Variants in NCKAP1 observed in about 807,000 individuals in gnomAD.
NCKAP1 encodes NCK associated protein 1, also known as nck-associated protein 1.
Under a neutral mutation model 151.2 loss-of-function variants are expected in NCKAP1, and 21 were observed. That is an observed-to-expected ratio of 0.14 (90% CI 0.10 to 0.20). The LOEUF (loss-of-function observed/expected upper bound fraction) is 0.20, where lower values mean the gene tolerates loss of function less well. Among genes scored for constraint, NCKAP1 ranks in the 10% least tolerant of loss-of-function variants. NCKAP1 has a pLI of 1.00. For synonymous variants in NCKAP1, 484 were observed against 451.8 expected, an observed-to-expected ratio of 1.07 and a Z score of -0.90; for missense variants, 933 against 1,352.1, an observed-to-expected ratio of 0.69 and a Z score of 4.86.
intron 25 of NCKAP1, among the ~76,000 whole-genome samples, chr2:182,935,062 TC>T (rs1487059381): frequency 2.0e-5 from 3 of 152,136 alleles, no homozygotes; most frequent in African/African-American, 7.2e-5. Context: ...ATAATGAAGA[TC>T]ACTGAAAAAG....
chr2:182,967,016 G>T (rs111855211), intron 16 of NCKAP1, among the ~76,000 whole-genome samples, 200 bp downstream of exon 16: 2 of 152,208 alleles, frequency 1.3e-5, no homozygotes, highest in African/African-American at 4.8e-5. Context: ...CTCTTTTAGA[G>T]AATTAAAAAC....
intron 1 of NCKAP1, among the ~76,000 whole-genome samples, chr2:183,028,963 A>AAG (rs2105898377): frequency 6.6e-6 from 1 of 150,848 alleles, no homozygotes; most frequent in East Asian, 1.9e-4. Context: ...AATACAAAAA[A>AAG]AAAAAAATAG....
chr2:183,030,020 C>A (rs970965809), intron 1 of NCKAP1, among the ~76,000 whole-genome samples: 1 of 152,140 alleles, frequency 6.6e-6, no homozygotes, highest in Non-Finnish European at 1.5e-5. Flanking sequence ...CAAGATTTCA[C>A]AACTACTGAC....
chr2:182,984,981 A>G, intron 10 of NCKAP1, among the ~76,000 whole-genome samples: 1 of 152,346 alleles, frequency 6.6e-6, no homozygotes, highest in East Asian at 1.9e-4. Flanking sequence ...TGCCTATAGT[A>G]GCGTCTATCC....
At chr2:182,948,763 T>C (rs1237715138) in intron 23 of NCKAP1, among the ~76,000 whole-genome samples, 2 of 152,166 alleles carry the variant, frequency 1.3e-5, no homozygotes, top group South Asian at 2.1e-4. Flanking sequence ...AAAGAGACAA[T>C]TCATCTGATT....
In NCKAP1 at chr2:182,987,460, T is replaced by A. The variant is rs572026038; in HGVS notation, c.948-1233A>T. Among the ~76,000 whole-genome samples, 1,025 of 152,252 alleles carry A rather than the reference T, an allele frequency of 6.7e-3. 12 individuals are homozygous for A. Among genetic ancestry groups the A allele is most frequent in the African/African-American group, 0.024 (983 of 41,558 alleles). On this transcript the variant is annotated intron_variant, in intron 9 of 30. Transcript: ENST00000361354. ...ACTGGATGATCATTCACAATTAAAT[T>A]AAAAATGCAAACTCATAATTTTAAA...
At chr2:182,975,559 T>C (rs1697803396) in intron 15 of NCKAP1, among the ~76,000 whole-genome samples, 3 of 152,098 alleles carry the variant, frequency 2.0e-5, no homozygotes, top group Non-Finnish European at 4.4e-5. Flanking sequence ...AAAAAATACT[T>C]CTTATATTTT....
chr2:182,961,551 G>A (rs985185159), intron 18 of NCKAP1, among the ~76,000 whole-genome samples: 16 of 152,228 alleles, frequency 1.1e-4, no homozygotes, highest in African/African-American at 3.4e-4. Context: ...GACACAGGAA[G>A]GGGAACATCA....
intron 2 of NCKAP1, among the ~76,000 whole-genome samples, chr2:183,009,572 T>C (rs1698553242): frequency 1.3e-5 from 2 of 152,208 alleles, no homozygotes; most frequent in African/African-American, 4.8e-5. Flanking sequence ...TTAAGATGTA[T>C]ACTAAATTGA....
rs186350015 is a variant in NCKAP1, at chr2:183,012,772, C to A, written c.220-9447G>T. On this transcript the variant is annotated intron_variant, in intron 2 of 30. Coordinates refer to ENST00000361354, the MANE Select transcript of NCKAP1 (RefSeq NM_013436.5). ...GGGAAAACATGCGCACGCCACCACA[C>A]CTGGCTATTTTTTTTTTTTTTTTGT... 1.5e-3 allele frequency among the ~76,000 whole-genome samples: 226 copies of A among 148,232 alleles called. 1 individual carries two copies. The highest frequency in any genetic ancestry group is 5.5e-3 in the African/African-American group (210 of 38,470).
intron 24 of NCKAP1, among the ~76,000 whole-genome samples, chr2:182,937,952 G>C (rs1331669652): frequency 1.3e-5 from 2 of 152,232 alleles, no homozygotes; most frequent in Non-Finnish European, 2.9e-5. Context: ...TGAAAAACCT[G>C]TGGGTCATAT....
chr2:183,036,537 T>G (rs982704777), intron 1 of NCKAP1, among the ~76,000 whole-genome samples: 1 of 152,174 alleles, frequency 6.6e-6, no homozygotes, highest in African/African-American at 2.4e-5. Flanking sequence ...CTATATAAAT[T>G]TATAACCTAG....
At chr2:183,016,575 T>C (rs773819584) in intron 2 of NCKAP1, among the ~76,000 whole-genome samples, 3 of 152,240 alleles carry the variant, frequency 2.0e-5, no homozygotes, top group Non-Finnish European at 4.4e-5. Flanking sequence ...TATTTATTCA[T>C]GATGCTGTTA....
chr2:182,985,779 G>A (rs1234672365), intron 10 of NCKAP1, among the ~76,000 whole-genome samples: 2 of 150,530 alleles, frequency 1.3e-5, no homozygotes, highest in South Asian at 2.1e-4. Context: ...CTCCAGCCTG[G>A]GTGACAGAGT....
At chr2:183,026,329 A>G (rs997296962) in intron 1 of NCKAP1, among the ~76,000 whole-genome samples, 1 of 152,010 alleles carries the variant, frequency 6.6e-6, no homozygotes, top group African/African-American at 2.4e-5. Context: ...AAAAAAAATT[A>G]TAAGGGTGTG....
intron 24 of NCKAP1, among the ~76,000 whole-genome samples, chr2:182,938,072 G>C (rs1487251386): frequency 6.6e-6 from 1 of 152,230 alleles, no homozygotes; most frequent in African/African-American, 2.4e-5. Context: ...ATCTGAGTCA[G>C]CAGGTCTGAG....
At chr2:182,962,681 T>A (rs1697480391) in intron 17 of NCKAP1, among the ~76,000 whole-genome samples, 2 of 152,158 alleles carry the variant, frequency 1.3e-5, no homozygotes, top group South Asian at 4.1e-4. Flanking sequence ...TGTGTCTCTA[T>A]AAATGTATAA....
intron 24 of NCKAP1, among the ~76,000 whole-genome samples, chr2:182,940,406 A>C (rs1380729662): frequency 2.0e-5 from 3 of 152,162 alleles, no homozygotes; most frequent in Non-Finnish European, 4.4e-5. Context: ...CATATAATAA[A>C]AATGACCTTT....
At chr2:182,953,530 G>C (rs1697261432) in intron 20 of NCKAP1, among the ~76,000 whole-genome samples, 199 bp from the exon 21 acceptor site, 1 of 152,216 alleles carries the variant, frequency 6.6e-6, no homozygotes, top group African/African-American at 2.4e-5. Flanking sequence ...GGGCATGGTG[G>C]TTCACGCCTA....
Sources: allele counts gnomAD v4.1 joint callset (sites outside exome capture counted in the v4.1 genomes callset), GRCh38; gene constraint gnomAD v4.1.1; transcripts MANE v1.5; gene names NCBI Gene and HGNC (gene_info 2026-07-23, HGNC 2026-07-21).